The following COG2 variants were observed in gnomAD, a reference collection of about 807,000 sequenced individuals.
COG2 encodes component of oligomeric golgi complex 2, also known as conserved oligomeric Golgi complex subunit 2.
Under a neutral mutation model 90.6 loss-of-function variants are expected in COG2, and 52 were observed. The observed-to-expected ratio is 0.57, with a 90% CI of 0.46 to 0.72. The LOEUF is 0.72. Ranked by LOEUF, COG2 falls within the 30% of genes least tolerant of loss-of-function variation. The pLI, the probability that COG2 is intolerant of heterozygous loss-of-function variation, is 0.00. For missense variants in COG2, 829 were observed against 891.2 expected, an observed-to-expected ratio of 0.93 and a Z score of 0.89; for synonymous variants, 337 against 320.4, an observed-to-expected ratio of 1.05 and a Z score of -0.55.
intron 16 of COG2, among the ~76,000 whole-genome samples, chr1:230,690,969 G>A (rs1375115451): frequency 2.6e-5 from 4 of 152,124 alleles, no homozygotes; most frequent in East Asian, 1.9e-4. Flanking sequence ...AAGATGAACT[G>A]TTCCTAGAAC....
At chr1:230,687,367 T>C (rs1463579002) in intron 13 of COG2, among the ~76,000 whole-genome samples, 1 of 152,124 alleles carries the variant, frequency 6.6e-6, no homozygotes, top group African/African-American at 2.4e-5. Context: ...CTGTGTGGAG[T>C]GCATTCTGTA....
chr1:230,644,454 A>T (rs982073172), intron 1 of COG2, among the ~76,000 whole-genome samples: 1 of 152,234 alleles, frequency 6.6e-6, no homozygotes, highest in African/African-American at 2.4e-5. Context: ...TTTGTGTCTC[A>T]TTCAGCACAT....
intron 3 of COG2, chr1:230,661,700 A>G (rs1662183249): frequency 6.6e-6 from 1 of 152,224 alleles, no homozygotes; most frequent in Admixed American, 6.5e-5. Context: ...AAAATGCAAA[A>G]TAATAGAAAT....
At chr1:230,675,217 T>C in intron 9 of COG2, 93 bp downstream of exon 9, 1 of 1,399,772 alleles carries the variant, frequency 7.1e-7, no homozygotes, top group Non-Finnish European at 9.4e-7. Context: ...GGTTCTGTGG[T>C]TTATTAAAAA....
At chr1:230,692,310 T>C (rs1663048625) in intron 17 of COG2, among the ~76,000 whole-genome samples, 3 of 151,846 alleles carry the variant, frequency 2.0e-5, no homozygotes, top group Non-Finnish European at 4.4e-5. Context: ...AAGAGGACAC[T>C]TGGTGGTGTT....
At chr1:230,657,519 T>C (rs976058164) in intron 1 of COG2, among the ~76,000 whole-genome samples, 1 of 152,194 alleles carries the variant, frequency 6.6e-6, no homozygotes, top group African/African-American at 2.4e-5. Context: ...CATTTTAGCC[T>C]TGGTGAATCT....
rs1278590185 is a variant in COG2 at position 230,693,641 on chromosome 1, T to C, written c.*248T>C. 3.0e-6 allele frequency: 1 copy of C among 333,712 alleles called. No homozygotes were observed. Among genetic ancestry groups the C allele is most frequent in the Non-Finnish European group, 5.4e-6 (1 of 185,918 alleles). 20.7% of individuals were successfully genotyped at this position (333,712 alleles called of 1,614,324 possible). On this transcript the variant is annotated 3_prime_UTR_variant, in exon 18 of 18. Coordinates refer to ENST00000366669, the MANE Select transcript of COG2 (RefSeq NM_007357.3). ...TTAAGACATTTGAAACTTTCTACTA[T>C]AGTTTACAGAACAAATTATTTTATT...
Position 230,674,860 on chromosome 1 carries a change from A to G in COG2, c.900-138A>G, listed in dbSNP as rs561812738. ...AGAAACTTGAGTCTGGAAACAAACT[A>G]AATTACAAATACGGTTTTTTTAAAA... On this transcript the variant is annotated intron_variant, in intron 8 of 17. Transcript: ENST00000366669. 7 of 649,588 alleles carry G rather than the reference A, an allele frequency of 1.1e-5. No individual in the cohort carries two copies. The South Asian group carries it at 1.3e-4, about 12-fold the overall frequency. The allele number at this position is 649,588 out of a possible 1,614,324, so 40.2% of individuals were successfully genotyped here.
At chr1:230,679,775 G>A (rs572643568) in intron 10 of COG2, 13 of 152,204 alleles carry the variant, frequency 8.5e-5, no homozygotes, top group South Asian at 2.1e-4. Flanking sequence ...ATGTTCTTCC[G>A]TAGAATGGAT....
chr1:230,660,868 T>TC, intron 3 of COG2, 45 bp downstream of exon 3: 8 of 1,316,896 alleles, frequency 6.1e-6, no homozygotes, highest in South Asian at 1.5e-5. Context: ...TAAAGCATGA[T>TC]ATGCTTGTTT....
chr1:230,671,497 A>C lies in COG2; in HGVS notation c.775-19A>C. 6.3e-7 allele frequency: 1 copy of C among 1,592,706 alleles called. No homozygotes were observed. The highest frequency in any genetic ancestry group is 1.2e-5 in the South Asian group (1 of 86,948). On this transcript the variant is annotated intron_variant, in intron 7 of 17. Transcript: ENST00000366669. ...TCCCTTTTAAATGCTTTTTTAAAAA[A>C]TGATTTTTCTTTTAATAGGTGATTA...
chr1:230,691,446 G>C lies in COG2; in HGVS notation c.1997G>C (p.Arg666Thr). ...AAGAAGATGGAAGAGAGCCTGAAAA[G>C]GCTGAAACAAGCCAGAAAAACCACT... ...SVKKMEESLK[R>T]LKQARKTTPA... Residue 666 changes from arginine to threonine, a missense_variant, in exon 17 of 18, where the codon AGG becomes ACG. Coordinates refer to ENST00000366669, the MANE Select transcript of COG2 (RefSeq NM_007357.3). 1 of 1,614,158 alleles carries C rather than the reference G, an allele frequency of 6.2e-7. No individual in the cohort carries two copies. Among genetic ancestry groups the C allele is most frequent in the Non-Finnish European group, 8.5e-7 (1 of 1,180,042 alleles).
rs188618322 is a variant in COG2 at position 230,647,027 on chromosome 1, T to A, written c.72+4349T>A. Reference sequence around the variant, plus strand: ...TCCATTCTTGCCTTTTTCTAGTCCGTGTTCTACATCACAGGCAGGGTGCCC... The same window carrying A: ...TCCATTCTTGCCTTTTTCTAGTCCGAGTTCTACATCACAGGCAGGGTGCCC... On this transcript the variant is annotated intron_variant, in intron 1 of 17. Coordinates refer to ENST00000366669, the MANE Select transcript of COG2 (RefSeq NM_007357.3). 4.1e-4 allele frequency among the ~76,000 whole-genome samples: 62 copies of A among 152,262 alleles called. 2 individuals carry two copies. The highest frequency in any genetic ancestry group is 3.9e-3 in the Admixed American group (59 of 15,296).
intron 1 of COG2, among the ~76,000 whole-genome samples, chr1:230,646,603 T>G (rs983015974): frequency 2.6e-5 from 4 of 152,168 alleles, no homozygotes; most frequent in South Asian, 4.1e-4. Context: ...CCTTCTTATC[T>G]GCAACCCCAT....
At position 230,693,552 on chromosome 1, in the gene COG2, G is replaced by A. The variant is rs764771634; in HGVS notation, c.*159G>A. On this transcript the variant is annotated 3_prime_UTR_variant, in exon 18 of 18. Coordinates refer to ENST00000366669, the MANE Select transcript of COG2 (RefSeq NM_007357.3). ...ACACGCCCATGCGTCTTCTCTCAGCGTATTTGGGTCTTCTTTGCCCAAAAG... is the reference window on the plus strand; with the variant it reads ...ACACGCCCATGCGTCTTCTCTCAGCATATTTGGGTCTTCTTTGCCCAAAAG... 2.3e-5 allele frequency: 11 copies of A among 487,808 alleles called. No individual in the cohort carries two copies. The highest frequency in any genetic ancestry group is 9.9e-5 in the African/African-American group (5 of 50,726). The allele number at this position is 487,808 out of a possible 1,614,324, so 30.2% of individuals were successfully genotyped here. A position where few individuals can be genotyped will look rare whatever the true frequency, so the allele number is the denominator to read the frequency against.
At chr1:230,669,290 C>G in intron 6 of COG2, 66 bp from the exon 7 acceptor site, 1 of 1,439,756 alleles carries the variant, frequency 6.9e-7, no homozygotes, top group South Asian at 1.3e-5. Context: ...TGTTATATAT[C>G]TACTTGCAGT....
intron 1 of COG2, among the ~76,000 whole-genome samples, chr1:230,643,293 A>G (rs1333437188): frequency 6.6e-6 from 1 of 152,222 alleles, no homozygotes; most frequent in African/African-American, 2.4e-5. Flanking sequence ...AGAGAAAAGA[A>G]ATATAAACTG....
At chr1:230,658,688 A>T (rs1023636741) in intron 1 of COG2, among the ~76,000 whole-genome samples, 3 of 152,066 alleles carry the variant, frequency 2.0e-5, no homozygotes, top group African/African-American at 7.2e-5. Flanking sequence ...TCCCACGGGG[A>T]TGGGGGTTTT....
At chr1:230,678,436 G>C in intron 9 of COG2, 1 of 985,332 alleles carries the variant, frequency 1.0e-6, no homozygotes, top group Non-Finnish European at 1.2e-6. Context: ...AATGGTTTTG[G>C]TACATCTCCC....
Sources: allele counts gnomAD v4.1 joint callset (sites outside exome capture counted in the v4.1 genomes callset), GRCh38; gene constraint gnomAD v4.1.1; transcripts MANE v1.5; gene names NCBI Gene and HGNC (gene_info 2026-07-23, HGNC 2026-07-21).